Variants in NRXN3 observed in about 807,000 individuals in gnomAD.
NRXN3 encodes neurexin 3.
NRXN3 carries 32 observed loss-of-function variants against 137.6 expected under a neutral mutation model. The ratio of observed to expected loss-of-function variants is 0.23; its 90% CI spans 0.18 to 0.31. NRXN3 has a LOEUF of 0.31. Among genes scored for constraint, NRXN3 ranks in the 10% least tolerant of loss-of-function variants. The pLI, the probability that NRXN3 is intolerant of heterozygous loss-of-function variation, is 1.00. For missense variants in NRXN3, 1,574 were observed against 2,062.5 expected (o/e 0.76, Z 4.59); for synonymous variants, 798 against 784.5 (o/e 1.02, Z -0.29).
intron 15 of NRXN3, among the ~76,000 whole-genome samples, chr14:79,337,514 C>T (rs2092343127): frequency 6.6e-6 from 1 of 152,162 alleles, no homozygotes; most frequent in Admixed American, 6.5e-5. Context: ...TAATCTGTTT[C>T]AGTTGGTCTT....
chr14:78,705,962 C>T (rs1433042584), intron 6 of NRXN3, among the ~76,000 whole-genome samples: 1 of 152,222 alleles, frequency 6.6e-6, no homozygotes, highest in African/African-American at 2.4e-5. Flanking sequence ...TATTCACCTT[C>T]TCTCCCAGTC....
intron 8 of NRXN3, among the ~76,000 whole-genome samples, chr14:78,752,930 C>T (rs765301886): frequency 6.6e-6 from 1 of 152,200 alleles, no homozygotes; most frequent in South Asian, 2.1e-4. Context: ...TGATTGTCAT[C>T]CAGGTGCCAG....
At chr14:79,445,870 A>G (rs1405906111) in intron 15 of NRXN3, among the ~76,000 whole-genome samples, 1 of 152,150 alleles carries the variant, frequency 6.6e-6, no homozygotes, top group Non-Finnish European at 1.5e-5. Flanking sequence ...TTCTAAGGCA[A>G]TTGGAATCCA....
rs1184504601 is a variant in NRXN3 at position 78,182,998 on chromosome 14, ACATC to A, written c.-704+12325_-704+12328del. Reference sequence around the variant, plus strand: ...GCGGACATCTCTGCATCCTGCCTGGACATCACCTGCTGGGTAATGCTAACAATGG... The same window carrying A: ...GCGGACATCTCTGCATCCTGCCTGGAACCTGCTGGGTAATGCTAACAATGG... On this transcript the variant is annotated intron_variant, in intron 1 of 20. Transcript: ENST00000335750. Among the ~76,000 whole-genome samples, 3 of 152,228 alleles carry A rather than the reference ACATC, an allele frequency of 2.0e-5. No individual in the cohort carries two copies. In the East Asian group the frequency reaches 5.8e-4, roughly 29 times the overall value.
intron 20 of NRXN3, among the ~76,000 whole-genome samples, chr14:79,808,838 T>C (rs1386089883): frequency 1.3e-5 from 2 of 152,192 alleles, no homozygotes; most frequent in African/African-American, 4.8e-5. Flanking sequence ...TTTAAACTGC[T>C]GGTTTTGAGT....
chr14:79,618,220 C>T (rs544297129), intron 16 of NRXN3, among the ~76,000 whole-genome samples: 40 of 152,018 alleles, frequency 2.6e-4, no homozygotes, highest in Admixed American at 1.6e-3. Flanking sequence ...ATTTAAGACT[C>T]CGGAGTACAT....
At chr14:79,666,421 A>ATTAGGACATATTTTTG (rs1243672802) in intron 17 of NRXN3, among the ~76,000 whole-genome samples, 1 of 152,128 alleles carries the variant, frequency 6.6e-6, no homozygotes, top group Non-Finnish European at 1.5e-5. Flanking sequence ...AGCATTTTAA[A>ATTAGGACATATTTTTG]TTAGGACATA....
intron 8 of NRXN3, among the ~76,000 whole-genome samples, chr14:78,766,765 C>T (rs901829989): frequency 7.2e-5 from 11 of 152,126 alleles, no homozygotes; most frequent in Admixed American, 5.2e-4. Flanking sequence ...ATGGGCTTTG[C>T]GGTCAGATAG....
chr14:78,443,220 A>G (rs2094314302), intron 4 of NRXN3, among the ~76,000 whole-genome samples: 1 of 152,210 alleles, frequency 6.6e-6, no homozygotes. Flanking sequence ...CAAACTCAGC[A>G]GGGTTTGGTA....
intron 4 of NRXN3, among the ~76,000 whole-genome samples, chr14:78,392,327 A>G (rs1258644064): frequency 6.6e-6 from 1 of 152,242 alleles, no homozygotes; most frequent in Non-Finnish European, 1.5e-5. Context: ...ATTGCAATGC[A>G]TACAGACTCC....
At chr14:79,224,219 G>A (rs2070381591) in intron 15 of NRXN3, among the ~76,000 whole-genome samples, 1 of 152,072 alleles carries the variant, frequency 6.6e-6, no homozygotes, top group African/African-American at 2.4e-5. Flanking sequence ...TAGAAGTCAG[G>A]ATGTCTTTAG....
At chr14:79,138,123 A>G (rs983869162) in intron 15 of NRXN3, among the ~76,000 whole-genome samples, 5 of 152,250 alleles carry the variant, frequency 3.3e-5, no homozygotes, top group Non-Finnish European at 7.3e-5. Flanking sequence ...GGGAACAGGA[A>G]TCAAACTTGG....
At chr14:78,381,251 G>A (rs1328815589) in intron 4 of NRXN3, among the ~76,000 whole-genome samples, 1 of 152,116 alleles carries the variant, frequency 6.6e-6, no homozygotes, top group African/African-American at 2.4e-5. Flanking sequence ...TCTTAGGCTT[G>A]TCCCCAAAAG....
intron 19 of NRXN3, among the ~76,000 whole-genome samples, chr14:79,734,672 T>C (rs981710502): frequency 2.5e-4 from 38 of 152,286 alleles, no homozygotes; most frequent in Middle Eastern, 3.4e-3. Flanking sequence ...GATGATTATT[T>C]TCATTTTTTG....
At chr14:79,801,269 T>G (rs1398591286) in intron 19 of NRXN3, among the ~76,000 whole-genome samples, 2 of 152,200 alleles carry the variant, frequency 1.3e-5, no homozygotes, top group African/African-American at 4.8e-5. Context: ...TTGTTTAAGC[T>G]CTTTATGAGT....
rs17107418 is a variant in NRXN3 at position 78,348,584 on chromosome 14, A to G, written c.757+50724A>G. On this transcript the variant is annotated intron_variant, in intron 4 of 20. Coordinates refer to ENST00000335750, the MANE Select transcript of NRXN3 (RefSeq NM_001330195.2). ...CCATATGGTTCTTGGGGATGAGGAAAATGTTACCTTGGAGTGTAAGGCTGC... is the reference window on the plus strand; with the variant it reads ...CCATATGGTTCTTGGGGATGAGGAAGATGTTACCTTGGAGTGTAAGGCTGC... Among the ~76,000 whole-genome samples, 227 of 152,292 alleles carry G rather than the reference A, an allele frequency of 1.5e-3. 2 individuals are homozygous for G. In the East Asian group the frequency reaches 0.04, roughly 27 times the overall value.
intron 16 of NRXN3, among the ~76,000 whole-genome samples, chr14:79,476,808 T>A (rs1402556327): frequency 6.6e-6 from 1 of 152,122 alleles, no homozygotes; most frequent in Non-Finnish European, 1.5e-5. Flanking sequence ...CAACTAAAGT[T>A]TGAAGAAGCT....
chr14:79,618,504 C>T (rs1191140095), intron 16 of NRXN3, among the ~76,000 whole-genome samples: 2 of 151,642 alleles, frequency 1.3e-5, no homozygotes, highest in Non-Finnish European at 2.9e-5. Flanking sequence ...ATCCATGTTA[C>T]TGAAAAGAAC....
chr14:79,442,598 A>G (rs1399826412), intron 15 of NRXN3, among the ~76,000 whole-genome samples: 1 of 152,198 alleles, frequency 6.6e-6, no homozygotes, highest in Non-Finnish European at 1.5e-5. Context: ...CACTCAGCAA[A>G]TATTACAGAT....
Sources: gnomAD v4.1 joint callset for allele counts (sites outside exome capture counted in the v4.1 genomes callset) on GRCh38, gnomAD v4.1.1 for gene constraint, MANE v1.5 for transcripts, NCBI Gene and HGNC (gene_info 2026-07-23, HGNC 2026-07-21) for gene names.